SHLD1: variants seen among roughly 807,000 people sequenced by gnomAD.
SHLD1 encodes the protein shieldin complex subunit 1.
SHLD1 carries 3 observed loss-of-function variants against 5.5 expected under a neutral mutation model. The observed-to-expected ratio is 0.54, with a 90% CI of 0.25 to 1.40. The LOEUF is 1.40. Among genes scored for constraint, SHLD1 ranks in the 40% most tolerant of loss-of-function variants. SHLD1 has a pLI of 0.15. For missense variants in SHLD1, 210 were observed against 244.4 expected, an observed-to-expected ratio of 0.86 and a Z score of 0.94; for synonymous variants, 92 against 94.3, an observed-to-expected ratio of 0.98 and a Z score of 0.14.
intron 2 of SHLD1, among the ~76,000 whole-genome samples, chr20:5,852,319 C>A (rs201559271): frequency 6.6e-6 from 1 of 152,140 alleles, no homozygotes; most frequent in East Asian, 1.9e-4. Flanking sequence ...GTGCCCAGTG[C>A]TACATATGGC....
chr20:5,790,043 G>A (rs989877597), intron 2 of SHLD1, among the ~76,000 whole-genome samples: 10 of 152,196 alleles, frequency 6.6e-5, no homozygotes, highest in African/African-American at 2.4e-4. Flanking sequence ...GAGCTCTGTG[G>A]CAAGCATGCA....
chr20:5,824,973 G>A (rs1159034990), intron 2 of SHLD1, among the ~76,000 whole-genome samples: 1 of 152,098 alleles, frequency 6.6e-6, no homozygotes, highest in Non-Finnish European at 1.5e-5. Context: ...ACTTTACTGA[G>A]TCCCTCCTGT....
chr20:5,794,180 CTTTCTTAGTTTCCTCATCT>C (rs1466531307), intron 2 of SHLD1, among the ~76,000 whole-genome samples: 1 of 152,220 alleles, frequency 6.6e-6, no homozygotes, highest in Non-Finnish European at 1.5e-5. Context: ...GCACTTCACT[CTTTCTTAGTTTCCTCATCT>C]ATAAGATGAG....
In SHLD1 at chr20:5,839,236, T is replaced by A. The variant is rs141536880; in HGVS notation, c.179-23788T>A. ...CAAATGAAATATTTTCTCTTTTCTT[T>A]GCCCCTAGAAGGATTTCTGCTCAAA... On this transcript the variant is annotated intron_variant, in intron 2 of 2. Coordinates refer to ENST00000303142, the MANE Select transcript of SHLD1 (RefSeq NM_152504.4). Among the ~76,000 whole-genome samples, 527 of 152,356 alleles carry A rather than the reference T, an allele frequency of 3.5e-3. 2 individuals carry two copies. Among genetic ancestry groups the A allele is most frequent in the African/African-American group, 0.012 (480 of 41,582 alleles).
chr20:5,860,615 A>T (rs2088148694), intron 2 of SHLD1, among the ~76,000 whole-genome samples: 1 of 152,120 alleles, frequency 6.6e-6, no homozygotes, highest in South Asian at 2.1e-4. Flanking sequence ...TTTGGCTGTC[A>T]TGGCTGTTTT....
Position 5,822,413 on chromosome 20 carries a change from C to T in SHLD1, c.179-40611C>T, listed in dbSNP as rs190733518. Among the ~76,000 whole-genome samples, 453 of 152,140 alleles carry T rather than the reference C, an allele frequency of 3.0e-3. 1 individual carries two copies. The highest frequency in any genetic ancestry group is 0.011 in the African/African-American group (442 of 41,488). On this transcript the variant is annotated intron_variant, in intron 2 of 2. Transcript: ENST00000303142. ...GGCAGAGGCTGCAGTGAACCAAGAT[C>T]GCACCACTGCACTCCAGCCTGGGCT... is the stretch of plus-strand genomic sequence containing the variant.
At chr20:5,756,442 C>T (rs768602792) in intron 1 of SHLD1, among the ~76,000 whole-genome samples, 8 of 151,972 alleles carry the variant, frequency 5.3e-5, no homozygotes, top group Non-Finnish European at 1.0e-4. Flanking sequence ...TTATTTCTTC[C>T]AACATTTAAA....
intron 1 of SHLD1, among the ~76,000 whole-genome samples, chr20:5,759,526 G>A (rs1984339466): frequency 6.6e-6 from 1 of 152,076 alleles, no homozygotes; most frequent in Non-Finnish European, 1.5e-5. Flanking sequence ...CTCCTAAAGT[G>A]CTGGGATTAC....
chr20:5,752,426 G>C (rs1983808884), intron 1 of SHLD1, among the ~76,000 whole-genome samples: 1 of 151,044 alleles, frequency 6.6e-6, no homozygotes, highest in African/African-American at 2.4e-5. Flanking sequence ...AGAGAGAATA[G>C]ATGGTAAATG....
intron 2 of SHLD1, among the ~76,000 whole-genome samples, chr20:5,854,126 C>T (rs2088050384): frequency 6.6e-6 from 1 of 152,040 alleles, no homozygotes; most frequent in African/African-American, 2.4e-5. Context: ...CTGCCTCAGC[C>T]TCCCAAGAAG....
intron 1 of SHLD1, among the ~76,000 whole-genome samples, chr20:5,768,704 T>C (rs1289365323): frequency 6.6e-6 from 1 of 152,226 alleles, no homozygotes; most frequent in Non-Finnish European, 1.5e-5. Flanking sequence ...TTCTTACACA[T>C]ACATCTTACA....
At chr20:5,856,219 T>C (rs574568963) in intron 2 of SHLD1, among the ~76,000 whole-genome samples, 1 of 152,290 alleles carries the variant, frequency 6.6e-6, no homozygotes, top group Non-Finnish European at 1.5e-5. Flanking sequence ...GGACGTGATA[T>C]GTGGAGCAAG....
chr20:5,805,122 C>G (rs2087353966), intron 2 of SHLD1, among the ~76,000 whole-genome samples: 1 of 151,896 alleles, frequency 6.6e-6, no homozygotes, highest in African/African-American at 2.4e-5. Context: ...ATTCTGTTTT[C>G]CCCTCCTTAA....
At chr20:5,757,067 CTTTCTTTTTTT>C (rs1192605303) in intron 1 of SHLD1, among the ~76,000 whole-genome samples, 1 of 138,366 alleles carries the variant, frequency 7.2e-6, no homozygotes, top group African/African-American at 2.7e-5. Flanking sequence ...TTTTTTCTTT[CTTTCTTTTTTT>C]TTTTTTTTTT....
chr20:5,788,441 C>T (rs990387259), intron 2 of SHLD1, among the ~76,000 whole-genome samples: 16 of 152,292 alleles, frequency 1.1e-4, no homozygotes, highest in African/African-American at 3.6e-4. Flanking sequence ...AATAATATTG[C>T]ATGTTTTCAG....
chr20:5,756,078 G>C (rs1454523428), intron 1 of SHLD1, among the ~76,000 whole-genome samples: 1 of 151,984 alleles, frequency 6.6e-6, no homozygotes, highest in Non-Finnish European at 1.5e-5. Context: ...TTAATGTTAA[G>C]GCTGGTCAGT....
At position 5,753,746 on chromosome 20, in the gene SHLD1, A is replaced by G. The variant is rs555314214; in HGVS notation, c.-5+3267A>G. On this transcript the variant is annotated intron_variant, in intron 1 of 2. Transcript: ENST00000303142. ...AGGGTGGGATGGCCAGCCTCTTAGC[A>G]TGCTTTGTTAAAGGCACACCTGGTC... Among the ~76,000 whole-genome samples the G allele has an allele frequency of 1.2e-4, 18 of 152,170 alleles. 1 individual carries two copies. Among genetic ancestry groups the G allele is most frequent in the South Asian group, 6.2e-4 (3 of 4,830 alleles).
intron 2 of SHLD1, among the ~76,000 whole-genome samples, chr20:5,781,017 A>G (rs934734626): frequency 1.3e-5 from 2 of 152,240 alleles, no homozygotes. Context: ...AAAAACCTCA[A>G]AAGCCTTAGT....
intron 2 of SHLD1, among the ~76,000 whole-genome samples, chr20:5,834,077 T>C (rs894544585): frequency 1.3e-5 from 2 of 152,206 alleles, no homozygotes; most frequent in African/African-American, 4.8e-5. Flanking sequence ...ACTTTGTAGA[T>C]GTGATATTTA....
Sources: gnomAD v4.1 joint callset for allele counts (sites outside exome capture counted in the v4.1 genomes callset) on GRCh38, gnomAD v4.1.1 for gene constraint, MANE v1.5 for transcripts, NCBI Gene and HGNC (gene_info 2026-07-23, HGNC 2026-07-21) for gene names.